CLPSL2: variants seen among roughly 807,000 people sequenced by gnomAD.
The protein encoded by CLPSL2 is colipase-like protein 2.
Under a neutral mutation model 7.9 loss-of-function variants are expected in CLPSL2, and 4 were observed. That is an observed-to-expected ratio of 0.50 (90% CI 0.25 to 1.15). The LOEUF is 1.15. CLPSL2 is among the 50% of genes most tolerant of loss of function. CLPSL2 has a pLI of 0.15. For synonymous variants in CLPSL2, 67 were observed against 53.1 expected (o/e 1.26, Z -1.14); for missense variants, 132 against 136.6 (o/e 0.97, Z 0.17).
Position 35,779,356 on chromosome 6 carries a change from C to G in CLPSL2, c.209C>G (p.Thr70Ser). 1 of 1,563,376 alleles carries G rather than the reference C, an allele frequency of 6.4e-7. No homozygotes were observed. The highest frequency in any genetic ancestry group is 8.7e-7 in the Non-Finnish European group (1 of 1,150,104). ...GATTCTCATACCCACTCCCTGCAGA[C>G]CAAGGGAGCTACCAACATCATCTGC... ...ARITMICLPQ[T>S]KGATNIICPC... The change falls in exon 3 of 3, where the codon ACC becomes AGC. Residue 70 changes from threonine to serine, a missense_variant and splice_region_variant. Thr to Ser is a moderately conservative substitution (Grantham distance 58). Transcript: ENST00000403376.
At position 35,776,661 on chromosome 6, in the gene CLPSL2, G is replaced by T. The variant is rs1483803230; in HGVS notation, c.43G>T (p.Ala15Ser). Reference protein sequence around the residue: ...LALVAGVLSGAVLPLWSALPQ... With the variant: ...LALVAGVLSGSVLPLWSALPQ... ...GCTCGTGGCGGGGGTCCTGTCGGGG[G>T]CGGTGCTGCCCCTCTGGAGCGCGCT... Residue 15 changes from alanine to serine, a missense_variant, in exon 1 of 3, where the codon GCG becomes TCG. By Grantham distance (99) the Ala-to-Ser change is moderately conservative (BLOSUM62 1). Coordinates refer to ENST00000403376, the MANE Select transcript of CLPSL2 (RefSeq NM_207409.4). 6.7e-7 allele frequency: 1 copy of T among 1,493,016 alleles called. No homozygotes were observed. The highest frequency in any genetic ancestry group is 1.2e-5 in the South Asian group (1 of 80,052). 92.5% of individuals were successfully genotyped at this position (1,493,016 alleles called of 1,614,324 possible).
At chr6:35,779,289 A>C in intron 2 of CLPSL2, 66 bp from the exon 3 acceptor site, 1 of 1,351,512 alleles carries the variant, frequency 7.4e-7, no homozygotes, top group South Asian at 1.4e-5. Flanking sequence ...CTGGTCCCCA[A>C]GAAGTTTAAG....
At chr6:35,777,642 A>C in intron 2 of CLPSL2, 61 bp downstream of exon 2, 4 of 1,524,234 alleles carry the variant, frequency 2.6e-6, no homozygotes, top group Non-Finnish European at 3.5e-6. Flanking sequence ...AGGTTAAAAA[A>C]AAAACACCTG....
chr6:35,777,607 C>A, intron 2 of CLPSL2, 26 bp downstream of exon 2: 1 of 1,599,774 alleles, frequency 6.3e-7, no homozygotes, highest in African/African-American at 1.3e-5. Flanking sequence ...GGGGCAACTT[C>A]TGGCAAGTAG....
Position 35,779,468 on chromosome 6 carries a change from TC to T in CLPSL2, c.*19del. ...TGATTTAGAGGAAGATGCAGGCTGG[TC>T]ACTGCTCCCTTGGGGCCATAGGCCC... On this transcript the variant is annotated 3_prime_UTR_variant, in exon 3 of 3. Transcript: ENST00000403376. 6.4e-7 allele frequency: 1 copy of T among 1,563,114 alleles called. No homozygotes were observed. Among genetic ancestry groups the T allele is most frequent in the Non-Finnish European group, 8.7e-7 (1 of 1,153,422 alleles).
chr6:35,777,368 G>T, intron 1 of CLPSL2, 91 bp from the exon 2 acceptor site: 1 of 1,432,622 alleles, frequency 7.0e-7, no homozygotes, highest in Non-Finnish European at 9.6e-7. Context: ...GGATCCCTGG[G>T]CTCTTTGGCA....
At chr6:35,777,203 C>T (rs1236918851) in intron 1 of CLPSL2, among the ~76,000 whole-genome samples, 1 of 151,870 alleles carries the variant, frequency 6.6e-6, no homozygotes, top group Non-Finnish European at 1.5e-5. Flanking sequence ...CCATGGGACT[C>T]ATGGAGGTGA....
chr6:35,777,021 A>G (rs919718532), intron 1 of CLPSL2, among the ~76,000 whole-genome samples: 4 of 151,346 alleles, frequency 2.6e-5, no homozygotes, highest in African/African-American at 9.7e-5. Context: ...CCCACCCTGC[A>G]TGCTCTGGTT....
chr6:35,777,980 G>T, intron 2 of CLPSL2: 2 of 704,718 alleles, frequency 2.8e-6, no homozygotes, highest in South Asian at 1.5e-5. Flanking sequence ...TTTCGAGATG[G>T]AGTCTCGCTC....
Position 35,779,335 on chromosome 6 carries a change from C to T in CLPSL2, c.208-20C>T. 1.1e-5 allele frequency: 17 copies of T among 1,537,874 alleles called. No individual in the cohort carries two copies. The highest frequency in any genetic ancestry group is 1.5e-5 in the Non-Finnish European group (17 of 1,133,504). ...TCCTGCATCCTGGTGACTCCCGATT[C>T]TCATACCCACTCCCTGCAGACCAAG... On this transcript the variant is annotated intron_variant, in intron 2 of 2. Transcript: ENST00000403376.
chr6:35,777,378 A>G, intron 1 of CLPSL2, 81 bp from the exon 2 acceptor site: 2 of 1,486,654 alleles, frequency 1.3e-6, no homozygotes, highest in Non-Finnish European at 1.8e-6. Context: ...GCTCTTTGGC[A>G]ATGGTGGGAA....
intron 2 of CLPSL2, chr6:35,777,889 C>T (rs2151057838): frequency 1.4e-6 from 1 of 717,636 alleles, no homozygotes; most frequent in African/African-American, 1.7e-5. Flanking sequence ...GCATCATATT[C>T]ATCTATGAAG....
Position 35,779,403 on chromosome 6 carries a change from T to G in CLPSL2, c.256T>G (p.Cys86Gly), listed in dbSNP as rs1162648608. ...CTGCCCTTGCCGGATGGGCTTGACG[T>G]GCATATCCAAGGACTTGATGTGTTC... ...IICPCRMGLT[C>G]ISKDLMCSRR... Residue 86 changes from cysteine to glycine, a missense_variant, in exon 3 of 3, where the codon TGC (cysteine) becomes GGC (glycine). Transcript: ENST00000403376. 2 of 1,585,494 alleles carry G rather than the reference T, an allele frequency of 1.3e-6. No individual in the cohort carries two copies. Among genetic ancestry groups the G allele is most frequent in the African/African-American group, 1.3e-5 (1 of 74,370 alleles).
Position 35,779,472 on chromosome 6 carries a change from TGCTCCC to T in CLPSL2, c.*23_*28del. ...TTAGAGGAAGATGCAGGCTGGTCAC[TGCTCCC>T]TTGGGGCCATAGGCCCTGGTTGCCA... is the stretch of plus-strand genomic sequence containing the variant. On this transcript the variant is annotated 3_prime_UTR_variant, in exon 3 of 3. Coordinates refer to ENST00000403376, the MANE Select transcript of CLPSL2 (RefSeq NM_207409.4). The T allele has an allele frequency of 6.4e-7, 1 of 1,560,568 alleles. No individual in the cohort carries two copies. Among genetic ancestry groups the T allele is most frequent in the Non-Finnish European group, 8.7e-7 (1 of 1,152,062 alleles).
chr6:35,776,713 G>T lies in CLPSL2; in HGVS notation c.84+11G>T. Reference sequence around the variant, plus strand: ...CCGCAATATAAAAAGGTGAGCCGGGGAGCGCGCCCAGCCGGCCGCGACCGC... The same window carrying T: ...CCGCAATATAAAAAGGTGAGCCGGGTAGCGCGCCCAGCCGGCCGCGACCGC... On this transcript the variant is annotated intron_variant, in intron 1 of 2. Coordinates refer to ENST00000403376, the MANE Select transcript of CLPSL2 (RefSeq NM_207409.4). The T allele has an allele frequency of 7.2e-7, 1 of 1,383,506 alleles. No homozygotes were observed. Among genetic ancestry groups the T allele is most frequent in the South Asian group, 1.6e-5 (1 of 62,758 alleles). The allele number at this position is 1,383,506 out of a possible 1,614,324, so 85.7% of individuals were successfully genotyped here. A position where few individuals can be genotyped will look rare whatever the true frequency, so the allele number is the denominator to read the frequency against.
chr6:35,777,308 C>A, intron 1 of CLPSL2, 151 bp from the exon 2 acceptor site: 1 of 725,834 alleles, frequency 1.4e-6, no homozygotes, highest in Non-Finnish European at 2.2e-6. Flanking sequence ...CGGGGTGGGG[C>A]TGGGGGGGGA....
At chr6:35,777,808 T>G in intron 2 of CLPSL2, 1 of 717,880 alleles carries the variant, frequency 1.4e-6, no homozygotes, top group Non-Finnish European at 2.6e-6. Flanking sequence ...CAGCAGACCA[T>G]GTATCTCCCT....
At chr6:35,777,095 C>G (rs1355049762) in intron 1 of CLPSL2, among the ~76,000 whole-genome samples, 3 of 152,130 alleles carry the variant, frequency 2.0e-5, no homozygotes, top group Non-Finnish European at 4.4e-5. Flanking sequence ...AGGGCTCTCC[C>G]CTTTTCTCCT....
At position 35,777,447 on chromosome 6, in the gene CLPSL2, C is replaced by T; in HGVS notation, c.85-12C>T. The T allele has an allele frequency of 1.9e-6, 3 of 1,613,156 alleles. No individual in the cohort carries two copies. Among genetic ancestry groups the T allele is most frequent in the Non-Finnish European group, 2.5e-6 (3 of 1,179,610 alleles). On this transcript the variant is annotated splice_polypyrimidine_tract_variant and intron_variant, in intron 1 of 2. Coordinates refer to ENST00000403376, the MANE Select transcript of CLPSL2 (RefSeq NM_207409.4). ...GCTCCCAGCCTGGCAGACATTCTGC[C>T]TGTCCCCACAGAAAATCACAGACAG...
Sources: allele counts gnomAD v4.1 joint callset (sites outside exome capture counted in the v4.1 genomes callset), GRCh38; gene constraint gnomAD v4.1.1; transcripts MANE v1.5; gene names NCBI Gene and HGNC (gene_info 2026-07-23, HGNC 2026-07-21).